SP100: variants seen among roughly 807,000 people sequenced by gnomAD.
SP100 encodes the protein SP100 nuclear body protein.
A neutral mutation model predicts 130.0 loss-of-function variants in SP100; 84 were observed. That is an observed-to-expected ratio of 0.65 (90% CI 0.54 to 0.77). SP100 has a LOEUF of 0.77. SP100 is among the 30% of genes least tolerant of loss of function. The pLI is 0.00. For missense variants in SP100, 978 were observed against 1,052.2 expected (o/e 0.93, Z 0.97); for synonymous variants, 331 against 351.7 (o/e 0.94, Z 0.66).
At chr2:230,518,485 T>G (rs1369505073) in intron 24 of SP100, among the ~76,000 whole-genome samples, 1 of 151,860 alleles carries the variant, frequency 6.6e-6, no homozygotes, top group East Asian at 1.9e-4. Flanking sequence ...AGAACTCTTT[T>G]ATAATTTTTA....
chr2:230,452,475 C>T (rs62193408), intron 8 of SP100, among the ~76,000 whole-genome samples: 2 of 152,146 alleles, frequency 1.3e-5, no homozygotes, highest in East Asian at 1.9e-4. Flanking sequence ...TGCACCTGGC[C>T]GCCATTGGAA....
In SP100 at chr2:230,508,105, T is replaced by C. The variant is rs1690261138; in HGVS notation, c.2052+74T>C. 3 of 1,571,896 alleles carry C rather than the reference T, an allele frequency of 1.9e-6. No homozygotes were observed. In the African/African-American group the frequency reaches 4.1e-5, roughly 22 times the overall value. ...ATTTTCTATCTCTGTGGACTTACAGTCTTTAAATTGACCCATCATCATAAA... is the reference window on the plus strand; with the variant it reads ...ATTTTCTATCTCTGTGGACTTACAGCCTTTAAATTGACCCATCATCATAAA... On this transcript the variant is annotated intron_variant, in intron 23 of 28. Transcript: ENST00000340126.
intron 2 of SP100, among the ~76,000 whole-genome samples, chr2:230,423,412 A>T (rs1001140727): frequency 6.6e-6 from 1 of 150,820 alleles, no homozygotes; most frequent in Non-Finnish European, 1.5e-5. Context: ...CAATCTTTCC[A>T]TTTTGTTGGT....
At chr2:230,421,143 C>T (rs554107339) in intron 2 of SP100, among the ~76,000 whole-genome samples, 109 of 152,220 alleles carry the variant, frequency 7.2e-4, no homozygotes, top group African/African-American at 2.5e-3. Context: ...CCCTCCCCGC[C>T]GACCCCACAA....
Position 230,498,551 on chromosome 2 carries a change from T to A in SP100, c.1720+16T>A, listed in dbSNP as rs1243369738. 1.6e-5 allele frequency: 17 copies of A among 1,061,746 alleles called. No individual in the cohort carries two copies. The highest frequency in any genetic ancestry group is 3.0e-5 in the East Asian group (1 of 33,706). The allele number at this position is 1,061,746 out of a possible 1,614,324, so 65.8% of individuals were successfully genotyped here. A position where few individuals can be genotyped will look rare whatever the true frequency, so the allele number is the denominator to read the frequency against. On this transcript the variant is annotated intron_variant, in intron 19 of 28. Transcript: ENST00000340126. ...CAACAAAGAGGTAAAAAAAAAAAAA[T>A]ACATTTTAAATAAATAACGTCTAAA...
intron 15 of SP100, among the ~76,000 whole-genome samples, chr2:230,472,054 G>A (rs934596177): frequency 1.3e-5 from 2 of 152,124 alleles, no homozygotes; most frequent in African/African-American, 4.8e-5. Context: ...GGTGATGAAA[G>A]TAATAACCTG....
At chr2:230,496,942 T>C (rs1649923) in intron 18 of SP100, among the ~76,000 whole-genome samples, 29,015 of 152,162 alleles carry the variant, frequency 0.19, 2,902 homozygotes, top group Non-Finnish European at 0.23. Context: ...TGTCTCTGCC[T>C]TCCTCAAACT....
At chr2:230,508,546 G>C (rs1038500575) in intron 23 of SP100, 1 of 152,116 alleles carries the variant, frequency 6.6e-6, no homozygotes, top group Non-Finnish European at 1.5e-5. Flanking sequence ...TCAAACTCCT[G>C]ACCTCATGTG....
intron 23 of SP100, chr2:230,510,909 G>A: frequency 1.7e-6 from 1 of 586,982 alleles, no homozygotes; most frequent in East Asian, 2.9e-5. Context: ...GGGTGTGAGA[G>A]CCAGGAAATG....
intron 14 of SP100, 25 bp downstream of exon 14, chr2:230,469,121 T>G: frequency 1.4e-6 from 2 of 1,388,914 alleles, no homozygotes; most frequent in Non-Finnish European, 2.0e-6. Context: ...AAACTCTTGA[T>G]GTAACAAATG....
chr2:230,517,545 C>T (rs771825720), intron 24 of SP100, among the ~76,000 whole-genome samples: 2 of 152,072 alleles, frequency 1.3e-5, no homozygotes, highest in African/African-American at 4.8e-5. Context: ...GCAGATCACC[C>T]GAAGTCAGAA....
intron 24 of SP100, among the ~76,000 whole-genome samples, chr2:230,518,431 A>C (rs1445716672): frequency 6.6e-6 from 1 of 151,946 alleles, no homozygotes; most frequent in African/African-American, 2.4e-5. Flanking sequence ...CCTAGGAAAT[A>C]AGAAATCTTG....
intron 22 of SP100, chr2:230,506,956 A>C (rs1048126495): frequency 7.9e-5 from 12 of 152,744 alleles, no homozygotes; most frequent in African/African-American, 2.9e-4. Flanking sequence ...ATTGCTTCTC[A>C]TATGAACCCC....
intron 17 of SP100, among the ~76,000 whole-genome samples, chr2:230,491,780 C>T (rs760949608): frequency 3.9e-5 from 6 of 152,186 alleles, no homozygotes; most frequent in Admixed American, 6.5e-5. Context: ...GGTGGGGACA[C>T]GGAGCCAAAC....
At chr2:230,540,624 G>C (rs1174643172) in intron 25 of SP100, among the ~76,000 whole-genome samples, 1 of 152,170 alleles carries the variant, frequency 6.6e-6, no homozygotes, top group Non-Finnish European at 1.5e-5. Flanking sequence ...CCTAAGTTTT[G>C]AGGTGAATGA....
chr2:230,507,773 T>A (rs1216531283), intron 22 of SP100, among the ~76,000 whole-genome samples: 1 of 152,164 alleles, frequency 6.6e-6, no homozygotes, highest in Admixed American at 6.5e-5. Context: ...GGTGGCTACA[T>A]TCTCTGGACT....
intron 24 of SP100, 94 bp from the exon 25 acceptor site, chr2:230,539,173 A>G: frequency 1.3e-6 from 1 of 752,066 alleles, no homozygotes; most frequent in Non-Finnish European, 2.3e-6. Flanking sequence ...GAGGACAGAA[A>G]TTTACAAGTG....
At chr2:230,528,642 TG>T (rs1205432538) in intron 24 of SP100, among the ~76,000 whole-genome samples, 1 of 152,022 alleles carries the variant, frequency 6.6e-6, no homozygotes, top group East Asian at 1.9e-4. Flanking sequence ...TCCAGGAGCT[TG>T]TTTTTTGAAA....
chr2:230,514,723 TC>T lies in SP100; in HGVS notation c.2094+3558del, dbSNP rs532787082. 2.0e-3 allele frequency among the ~76,000 whole-genome samples: 303 copies of T among 152,332 alleles called. 2 individuals carry two copies. Among genetic ancestry groups the T allele is most frequent in the Non-Finnish European group, 3.1e-3 (208 of 68,016 alleles). On this transcript the variant is annotated intron_variant, in intron 24 of 28. Transcript: ENST00000340126. Reference sequence around the variant, plus strand: ...TTAAGTTGGCTTTGCTGGAACTTTTTCGTTAGACATTTTAGATTAGACTTTC... The same window carrying T: ...TTAAGTTGGCTTTGCTGGAACTTTTTGTTAGACATTTTAGATTAGACTTTC...
Sources: gnomAD v4.1 joint callset for allele counts (sites outside exome capture counted in the v4.1 genomes callset) on GRCh38, gnomAD v4.1.1 for gene constraint, MANE v1.5 for transcripts, NCBI Gene and HGNC (gene_info 2026-07-23, HGNC 2026-07-21) for gene names.